CEL: variants seen among roughly 807,000 people sequenced by gnomAD.
The protein encoded by CEL is carboxyl ester lipase, also known as bile salt-activated lipase.
Under a neutral mutation model 57.1 loss-of-function variants are expected in CEL, and 39 were observed. The ratio of observed to expected loss-of-function variants is 0.68; its 90% CI spans 0.53 to 0.89. The LOEUF (loss-of-function observed/expected upper bound fraction) is 0.89. Ranked by LOEUF, CEL falls within the 40% of genes least tolerant of loss-of-function variation. The pLI, the probability that CEL is intolerant of heterozygous loss-of-function variation, is 0.00. For missense variants in CEL, 698 were observed against 915.0 expected (o/e 0.76, Z 3.06); for synonymous variants, 314 against 396.6 (o/e 0.79, Z 2.48).
Position 133,066,721 on chromosome 9 carries a change from G to T in CEL, c.669+61G>T. On this transcript the variant is annotated intron_variant, in intron 5 of 10. Coordinates refer to ENST00000372080, the MANE Select transcript of CEL (RefSeq NM_001807.6). This position sits in a 1 kb window ranked among gnomAD's most constrained non-coding sequence, Gnocchi z 4.3. ...GGTTGAGAGGAAGCTCAAACGGGAA[G>T]GGGAGGGTGGGAGGAGGAGCGTGGA... The T allele has an allele frequency of 6.2e-7, 1 of 1,607,180 alleles. No individual in the cohort carries two copies. Among genetic ancestry groups the T allele is most frequent in the South Asian group, 1.1e-5 (1 of 90,816 alleles).
At chr9:133,063,210 G>A (rs1830119068) in intron 1 of CEL, among the ~76,000 whole-genome samples, 1 of 152,192 alleles carries the variant, frequency 6.6e-6, no homozygotes, top group South Asian at 2.1e-4. Context: ...CTTCTTCTTG[G>A]GCGAGCTCTT....
Position 133,071,817 on chromosome 9 carries a change from C to G in CEL, c.*53C>G. 6.6e-7 allele frequency: 1 copy of G among 1,511,992 alleles called. No homozygotes were observed. Among genetic ancestry groups the G allele is most frequent in the Non-Finnish European group, 9.2e-7 (1 of 1,090,886 alleles). 93.7% of individuals were successfully genotyped at this position (1,511,992 alleles called of 1,614,324 possible). On this transcript the variant is annotated 3_prime_UTR_variant, in exon 11 of 11. Coordinates refer to ENST00000372080, the MANE Select transcript of CEL (RefSeq NM_001807.6). ...CCACAAGAGTGGGACCCCAGGGGCT[C>G]CCCTCCCATCTTGAGCTCTTCCTGA... is the stretch of plus-strand genomic sequence containing the variant.
In CEL at chr9:133,066,805, C is replaced by T. The variant is rs757967503; in HGVS notation, c.670-33C>T. 72 of 1,606,020 alleles carry T rather than the reference C, an allele frequency of 4.5e-5. No individual in the cohort carries two copies. The highest frequency in any genetic ancestry group is 5.7e-5 in the Non-Finnish European group (67 of 1,175,018). ...AGCGTGGGGTGGGCAGAGTGGGGAGCGGCCTTGGTGACGGGATTTCTGGGT... is the reference window on the plus strand; with the variant it reads ...AGCGTGGGGTGGGCAGAGTGGGGAGTGGCCTTGGTGACGGGATTTCTGGGT... On this transcript the variant is annotated intron_variant, in intron 5 of 10. Transcript: ENST00000372080. This position sits in a 1 kb window ranked among gnomAD's most constrained non-coding sequence, Gnocchi z 4.3.
chr9:133,063,518 C>T lies in CEL; in HGVS notation c.67-886C>T, dbSNP rs551086881. Among the ~76,000 whole-genome samples, 363 of 152,302 alleles carry T rather than the reference C, an allele frequency of 2.4e-3. 3 individuals are homozygous for T. The highest frequency in any genetic ancestry group is 8.4e-3 in the African/African-American group (350 of 41,548). On this transcript the variant is annotated intron_variant, in intron 1 of 10. Coordinates refer to ENST00000372080, the MANE Select transcript of CEL (RefSeq NM_001807.6). ...GTAGGGCCACCCTGCCCTTCCCCAC[C>T]TGGAACCTGGCACAGGTGACAGCCA...
Position 133,066,956 on chromosome 9 carries a change from G to GTGT in CEL, c.777+11_777+12insTGT. The GTGT allele has an allele frequency of 6.4e-7, 1 of 1,557,152 alleles. No individual in the cohort carries two copies. The highest frequency in any genetic ancestry group is 8.9e-7 in the Non-Finnish European group (1 of 1,129,034). ...TTCTGGGCCAAAAAGGTAAACGGAGGAGGGCAGGGCTGGGCGGGGTGGGGG... is the reference window on the plus strand; with the variant it reads ...TTCTGGGCCAAAAAGGTAAACGGAGGTGTAGGGCAGGGCTGGGCGGGGTGGGGG... On this transcript the variant is annotated intron_variant, in intron 6 of 10. Coordinates refer to ENST00000372080, the MANE Select transcript of CEL (RefSeq NM_001807.6). This position sits in a 1 kb window ranked among gnomAD's most constrained non-coding sequence, Gnocchi z 4.3.
rs145372445 is a variant in CEL, at chr9:133,067,574, C to T, written c.895+369C>T. 1.9e-3 allele frequency among the ~76,000 whole-genome samples: 284 copies of T among 152,240 alleles called. 1 individual carries two copies. The highest frequency in any genetic ancestry group is 3.4e-3 in the Non-Finnish European group (232 of 68,004). The stretch of plus-strand genomic sequence containing the variant: ...GTGTTTAGTAGGGATGGAGTTTCAT[C>T]GTGTTAGCTAGGATGATCTCGGTCT... On this transcript the variant is annotated intron_variant, in intron 7 of 10. Transcript: ENST00000372080.
At chr9:133,064,969 A>T in intron 3 of CEL, 71 bp from the exon 4 acceptor site, 1 of 1,592,908 alleles carries the variant, frequency 6.3e-7, no homozygotes, top group Non-Finnish European at 8.6e-7. Context: ...CCTGCTGCAC[A>T]GGGACAGGGG....
rs375516932 is a variant in CEL at position 133,070,510 on chromosome 9, G to A, written c.1336G>A (p.Val446Ile). ...GTTTTCCCATCCCTCTCGGATGCCC[G>A]TCTACCCCAAATGGGTGGGGGCCGA... Reference protein sequence around the residue: ...YLFSHPSRMPVYPKWVGADHA... With the variant: ...YLFSHPSRMPIYPKWVGADHA... The change falls in exon 10 of 11, where the codon GTC becomes ATC. Residue 446 changes from valine to isoleucine, a missense_variant. Around this residue, in one of 6 missense-constraint regions of CEL, gnomAD observed 111 missense variants for 147.3 expected, o/e 0.75. Transcript: ENST00000372080. 3.6e-5 allele frequency: 58 copies of A among 1,613,724 alleles called. No individual in the cohort carries two copies. The East Asian group carries it at 4.0e-4, about 11-fold the overall frequency.
At chr9:133,070,750 C>G in intron 10 of CEL, 92 bp downstream of exon 10, 1 of 1,551,110 alleles carries the variant, frequency 6.4e-7, no homozygotes, top group South Asian at 1.1e-5. Context: ...AGTGGAGGGA[C>G]TTTGGGCAAG....
At chr9:133,063,814 T>G (rs1830131016) in intron 1 of CEL, among the ~76,000 whole-genome samples, 1 of 152,008 alleles carries the variant, frequency 6.6e-6, no homozygotes, top group Non-Finnish European at 1.5e-5. Flanking sequence ...AGGGGGTTCT[T>G]TACCAGCAGG....
At chr9:133,062,212 G>A in intron 1 of CEL, 144 bp downstream of exon 1, 1 of 1,227,144 alleles carries the variant, frequency 8.1e-7, no homozygotes, top group East Asian at 2.6e-5. Flanking sequence ...ACAGGTGCCA[G>A]GTAGAACACA....
At chr9:133,068,623 G>C in intron 7 of CEL, 49 bp from the exon 8 acceptor site, 1 of 1,610,934 alleles carries the variant, frequency 6.2e-7, no homozygotes, top group Non-Finnish European at 8.5e-7. Flanking sequence ...CGGCTCAGGG[G>C]AAACTGGGAG....
rs758455850 is a variant in CEL at position 133,071,300 on chromosome 9, G to A, written c.1798G>A (p.Gly600Arg). The A allele has an allele frequency of 4.8e-5, 26 of 547,200 alleles. No individual in the cohort carries two copies. Among genetic ancestry groups the A allele is most frequent in the East Asian group, 1.5e-4 (5 of 34,140 alleles). The allele number at this position is 547,200 out of a possible 1,614,324, so 33.9% of individuals were successfully genotyped here. Residue 600 changes from glycine to arginine, a missense_variant, in exon 11 of 11, where the codon GGG becomes AGG. Gly to Arg is a moderately radical substitution (Grantham distance 125). This residue lies in a region of CEL where 238 missense variants were observed against 213.7 expected (regional missense o/e 1.11). Coordinates refer to ENST00000372080, the MANE Select transcript of CEL (RefSeq NM_001807.6). ...CCCCGTGCCGCCCACGGGTGACTCC[G>A]GGGCCCCCCCCGTGCCGCCCACGGG... is the stretch of plus-strand genomic sequence containing the variant. ...APPVPPTGDS[G>R]APPVPPTGDS...
rs1391065132 is a variant in CEL, at chr9:133,066,524, C to T, written c.539-6C>T. On this transcript the variant is annotated splice_polypyrimidine_tract_variant and splice_region_variant and intron_variant, in intron 4 of 10. Transcript: ENST00000372080. This position sits in a 1 kb window ranked among gnomAD's most constrained non-coding sequence, Gnocchi z 4.3. ...TCTAGCACCCCCTCCCCTGCCCTGC[C>T]CCCAGGTAACTATGGCCTTCGGGAT... The T allele has an allele frequency of 6.2e-7, 1 of 1,613,894 alleles. No individual in the cohort carries two copies. The highest frequency in any genetic ancestry group is 8.5e-7 in the Non-Finnish European group (1 of 1,180,024).
chr9:133,067,159 C>T lies in CEL; in HGVS notation c.849C>T (p.Pro283=), dbSNP rs1448658818. ...RMAQCLKVTD[P]RALTLAYKVP... Reference sequence around the variant, plus strand: ...CCCAGTGTCTGAAGGTTACTGATCCCCGAGCCCTGACGCTGGCCTATAAGG... The same window carrying T: ...CCCAGTGTCTGAAGGTTACTGATCCTCGAGCCCTGACGCTGGCCTATAAGG... The change falls in exon 7 of 11, where the codon CCC becomes CCT. Residue 283 remains proline (P), a synonymous_variant. Transcript: ENST00000372080. 6.2e-7 allele frequency: 1 copy of T among 1,614,030 alleles called. No individual in the cohort carries two copies. Among genetic ancestry groups the T allele is most frequent in the African/African-American group, 1.3e-5 (1 of 75,010 alleles).
Position 133,071,769 on chromosome 9 carries a change from C to A in CEL, c.*5C>A. On this transcript the variant is annotated 3_prime_UTR_variant, in exon 11 of 11. Coordinates refer to ENST00000372080, the MANE Select transcript of CEL (RefSeq NM_001807.6). ...CCTGCAGTCATTAGGTTTTAGCGTC[C>A]CATGAGCCTTGGTATCAAGAGGCCA... 6.2e-7 allele frequency: 1 copy of A among 1,611,752 alleles called. No individual in the cohort carries two copies. Among genetic ancestry groups the A allele is most frequent in the Non-Finnish European group, 8.5e-7 (1 of 1,178,960 alleles).
chr9:133,064,804 C>T lies in CEL; in HGVS notation c.340+42C>T, dbSNP rs761324356. ...CTCCCCAAGGGACCCTCCCATGCAG[C>T]CACTGCCCCGGGTCTACTCCTGGCT... On this transcript the variant is annotated intron_variant, in intron 3 of 10. Coordinates refer to ENST00000372080, the MANE Select transcript of CEL (RefSeq NM_001807.6). 3.1e-6 allele frequency: 5 copies of T among 1,613,066 alleles called. No homozygotes were observed. In the Admixed American group the frequency reaches 8.3e-5, roughly 27 times the overall value.
Position 133,066,820 on chromosome 9 carries a change from G to A in CEL, c.670-18G>A, listed in dbSNP as rs765651548. 44 of 1,610,282 alleles carry A rather than the reference G, an allele frequency of 2.7e-5. No individual in the cohort carries two copies. In the South Asian group the frequency reaches 4.8e-4, roughly 18 times the overall value. On this transcript the variant is annotated intron_variant, in intron 5 of 10. Coordinates refer to ENST00000372080, the MANE Select transcript of CEL (RefSeq NM_001807.6). This position sits in a 1 kb window ranked among gnomAD's most constrained non-coding sequence, Gnocchi z 4.3. ...GAGTGGGGAGCGGCCTTGGTGACGG[G>A]ATTTCTGGGTCCCGTAGACCCTCTC...
chr9:133,071,730 A>T lies in CEL; in HGVS notation c.2228A>T (p.Lys743Met). 6.2e-7 allele frequency: 1 copy of T among 1,612,416 alleles called. No individual in the cohort carries two copies. The highest frequency in any genetic ancestry group is 8.5e-7 in the Non-Finnish European group (1 of 1,179,538). Reference protein sequence around the residue: ...AAPVPPTDDSKEAQMPAVIRF With the variant: ...AAPVPPTDDSMEAQMPAVIRF The stretch of plus-strand genomic sequence containing the variant: ...CCTGTGCCCCCCACAGATGACTCCA[A>T]GGAAGCTCAGATGCCTGCAGTCATT... Residue 743 changes from lysine (K) to methionine (M), a missense_variant, in exon 11 of 11, where the codon AAG (lysine) becomes ATG (methionine). By Grantham distance (95) the Lys-to-Met change is moderately conservative. Transcript: ENST00000372080.
Sources: allele counts gnomAD v4.1 joint callset (sites outside exome capture counted in the v4.1 genomes callset), GRCh38; gene constraint gnomAD v4.1.1; regional missense constraint gnomAD v4.1.1; non-coding constraint Gnocchi (gnomAD v3.1); transcripts MANE v1.5; gene names NCBI Gene and HGNC (gene_info 2026-07-23, HGNC 2026-07-21).